Variants in SAFB observed in about 807,000 individuals in gnomAD.
SAFB encodes scaffold attachment factor B.
In SAFB, 15 loss-of-function variants were observed where a neutral mutation model predicts 101.6. The observed-to-expected ratio is 0.15, with a 90% CI of 0.10 to 0.23. SAFB has a LOEUF of 0.23. Ranked by LOEUF, SAFB falls within the 10% of genes least tolerant of loss-of-function variation. The pLI is 1.00. For synonymous variants in SAFB, 449 were observed against 407.5 expected (o/e 1.10, Z -1.23); for missense variants, 930 against 1,104.1 (o/e 0.84, Z 2.23).
intron 2 of SAFB, among the ~76,000 whole-genome samples, chr19:5,640,016 G>GT (rs914323612): frequency 7.9e-5 from 12 of 151,446 alleles, no homozygotes; most frequent in South Asian, 2.1e-4. Context: ...TTTGTTTTTT[G>GT]TTTTTTTGGT....
intron 4 of SAFB, among the ~76,000 whole-genome samples, chr19:5,645,025 A>G (rs1360820454): frequency 6.6e-6 from 1 of 152,192 alleles, no homozygotes; most frequent in Non-Finnish European, 1.5e-5. Context: ...GCTCAGATCC[A>G]CTTAGAGGCT....
intron 4 of SAFB, among the ~76,000 whole-genome samples, chr19:5,644,797 C>T (rs1256830134): frequency 6.6e-6 from 1 of 152,194 alleles, no homozygotes; most frequent in Non-Finnish European, 1.5e-5. Flanking sequence ...AGAATAAAAG[C>T]TATTCTTCCC....
intron 2 of SAFB, among the ~76,000 whole-genome samples, chr19:5,629,410 A>T (rs895074490): frequency 7.2e-5 from 11 of 152,176 alleles, no homozygotes; most frequent in Admixed American, 5.9e-4. Context: ...CAGCTTGGGC[A>T]CAGAGTGAGA....
intron 1 of SAFB, among the ~76,000 whole-genome samples, chr19:5,624,462 C>G (rs2053298971): frequency 6.6e-6 from 1 of 152,088 alleles, no homozygotes; most frequent in Non-Finnish European, 1.5e-5. Context: ...AGCAGAGAGG[C>G]AAGTAAAGGT....
At chr19:5,650,930 A>C (rs1486431863) in intron 8 of SAFB, 48 bp from the exon 9 acceptor site, 1 of 1,183,474 alleles carries the variant, frequency 8.4e-7, no homozygotes, top group African/African-American at 1.5e-5. Context: ...CTAAGACTCA[A>C]GATCTTGTGG....
At position 5,626,461 on chromosome 19, in the gene SAFB, C is replaced by T. The variant is rs1049277640; in HGVS notation, c.246C>T (p.Asn82=). The T allele has an allele frequency of 6.2e-7, 1 of 1,607,526 alleles. No homozygotes were observed. The highest frequency in any genetic ancestry group is 8.5e-7 in the Non-Finnish European group (1 of 1,174,060). Residue 82 remains asparagine (N), a synonymous_variant, in exon 2 of 21, where the codon AAC becomes AAT. Transcript: ENST00000588852. ...AAATTGAAATTACCTCCGAGGGAAA[C>T]AAGAAAACATCAAAGAGGTCTAGCA... ...PDEIEITSEG[N]KKTSKRSSKG...
At chr19:5,664,229 C>T (rs1175497419) in intron 16 of SAFB, 70 bp downstream of exon 16, 1 of 1,551,798 alleles carries the variant, frequency 6.4e-7, no homozygotes, top group Non-Finnish European at 8.8e-7. Context: ...AACAAGGACT[C>T]CTGGGCTCTC....
At chr19:5,645,058 T>C (rs2053798066) in intron 4 of SAFB, among the ~76,000 whole-genome samples, 2 of 152,234 alleles carry the variant, frequency 1.3e-5, no homozygotes, top group Admixed American at 1.3e-4. Context: ...TCATCTCTTT[T>C]CTGTTTGACT....
At position 5,623,169 on chromosome 19, in the gene SAFB, T is replaced by C. The variant is rs1010522291; in HGVS notation, c.-37T>C. The C allele has an allele frequency of 5.2e-6, 8 of 1,551,118 alleles. No homozygotes were observed. In the African/African-American group the frequency reaches 1.1e-4, roughly 21 times the overall value. On this transcript the variant is annotated 5_prime_UTR_variant, in exon 1 of 21. Transcript: ENST00000588852. Reference sequence around the variant, plus strand: ...AGGAGCCTGATAAAACCGGCCCGGTTCTGTGGAAAGTGGGCGGCGGAGCCA... The same window carrying C: ...AGGAGCCTGATAAAACCGGCCCGGTCCTGTGGAAAGTGGGCGGCGGAGCCA...
chr19:5,651,101 T>C, intron 9 of SAFB, 29 bp downstream of exon 9: 4 of 1,455,392 alleles, frequency 2.7e-6, no homozygotes, highest in Non-Finnish European at 3.8e-6. Context: ...CTGGAGAAGA[T>C]ACTTTGAAAC....
chr19:5,627,773 A>G (rs1259925584), intron 2 of SAFB, among the ~76,000 whole-genome samples: 1 of 151,958 alleles, frequency 6.6e-6, no homozygotes, highest in Non-Finnish European at 1.5e-5. Context: ...CATCCCACCA[A>G]TAGCAACTCG....
At chr19:5,655,042 C>G (rs1228985978) in intron 13 of SAFB, among the ~76,000 whole-genome samples, 1 of 152,184 alleles carries the variant, frequency 6.6e-6, no homozygotes, top group Non-Finnish European at 1.5e-5. Flanking sequence ...GTCAGCACCT[C>G]CCCGTGATGC....
Position 5,661,378 on chromosome 19 carries a change from C to A in SAFB, c.1863-140C>A, listed in dbSNP as rs573703242. 1.9e-5 allele frequency: 27 copies of A among 1,454,010 alleles called. No homozygotes were observed. In the Admixed American group the frequency reaches 2.0e-4, roughly 11 times the overall value. 90.1% of individuals were successfully genotyped at this position (1,454,010 alleles called of 1,614,324 possible). On this transcript the variant is annotated intron_variant, in intron 14 of 20. Coordinates refer to ENST00000588852, the MANE Select transcript of SAFB (RefSeq NM_001201338.2). Reference sequence around the variant, plus strand: ...CTGTGGGCCCGAGAAGCCTTCTTCCCGCTGGAGTGTACGGTTCTGCAGACC... The same window carrying A: ...CTGTGGGCCCGAGAAGCCTTCTTCCAGCTGGAGTGTACGGTTCTGCAGACC...
chr19:5,629,037 T>G (rs1195507539), intron 2 of SAFB, among the ~76,000 whole-genome samples: 2 of 152,190 alleles, frequency 1.3e-5, no homozygotes, highest in Admixed American at 6.6e-5. Context: ...CCTCAAGCAG[T>G]GCTTTCACCT....
At chr19:5,631,285 G>C (rs1456213425) in intron 2 of SAFB, among the ~76,000 whole-genome samples, 4 of 152,294 alleles carry the variant, frequency 2.6e-5, no homozygotes, top group Non-Finnish European at 1.5e-5. Flanking sequence ...AAAAGTCGCT[G>C]TTGTGATTAC....
intron 14 of SAFB, 56 bp from the exon 15 acceptor site, chr19:5,661,462 C>T (rs762500101): frequency 4.4e-6 from 7 of 1,596,368 alleles, no homozygotes; most frequent in African/African-American, 2.7e-5. Flanking sequence ...TAAAGTCAGC[C>T]CTGGGACCTG....
intron 2 of SAFB, among the ~76,000 whole-genome samples, chr19:5,630,998 C>T (rs1032444211): frequency 1.3e-4 from 20 of 151,894 alleles, no homozygotes; most frequent in Non-Finnish European, 2.5e-4. Flanking sequence ...TCGAGACCAG[C>T]CTGGCCAACA....
intron 2 of SAFB, among the ~76,000 whole-genome samples, chr19:5,633,366 C>G (rs1428443763): frequency 6.6e-6 from 1 of 152,162 alleles, no homozygotes; most frequent in Non-Finnish European, 1.5e-5. Context: ...TCTTGGGATA[C>G]TTTTTTACCT....
At chr19:5,637,361 A>T (rs1173436983) in intron 2 of SAFB, among the ~76,000 whole-genome samples, 1 of 149,456 alleles carries the variant, frequency 6.7e-6, no homozygotes, top group African/African-American at 2.5e-5. Context: ...AAAAAAAAAA[A>T]TTGATTTTCA....
Sources: allele counts gnomAD v4.1 joint callset (sites outside exome capture counted in the v4.1 genomes callset), GRCh38; gene constraint gnomAD v4.1.1; transcripts MANE v1.5; gene names NCBI Gene and HGNC (gene_info 2026-07-23, HGNC 2026-07-21).